UBE2E2: variants seen among roughly 807,000 people sequenced by gnomAD.
The protein encoded by UBE2E2 is ubiquitin-conjugating enzyme E2 E2.
Under a neutral mutation model 24.7 loss-of-function variants are expected in UBE2E2, and 6 were observed. That is an observed-to-expected ratio of 0.24 (90% CI 0.13 to 0.48). The LOEUF is 0.48. Among genes scored for constraint, UBE2E2 ranks in the 20% least tolerant of loss-of-function variants. The pLI is 0.99. For synonymous variants in UBE2E2, 104 were observed against 83.6 expected, an observed-to-expected ratio of 1.24 and a Z score of -1.33; for missense variants, 169 against 245.0, an observed-to-expected ratio of 0.69 and a Z score of 2.07.
rs1696745473 is a variant in UBE2E2 at position 23,590,907 on chromosome 3, C to T, written c.*1076C>T. ...GTCTGAGCTAATCATTGTGTTCAGC[C>T]ACTTTCAACTTTATTTCTCTCAAAA... On this transcript the variant is annotated 3_prime_UTR_variant, in exon 6 of 6. Coordinates refer to ENST00000396703, the MANE Select transcript of UBE2E2 (RefSeq NM_152653.4). The T allele has an allele frequency of 3.3e-5, 5 of 152,294 alleles. No homozygotes were observed. The South Asian group carries it at 1.0e-3, about 32-fold the overall frequency. 9.4% of individuals were successfully genotyped at this position (152,294 alleles called of 1,614,324 possible). A position where few individuals can be genotyped will look rare whatever the true frequency, so the allele number is the denominator to read the frequency against.
intron 3 of UBE2E2, among the ~76,000 whole-genome samples, chr3:23,278,870 C>T (rs1023108731): frequency 3.3e-5 from 5 of 152,032 alleles, no homozygotes; most frequent in Non-Finnish European, 5.9e-5. Flanking sequence ...AAAAACCAGT[C>T]ATAGCAAATT....
At chr3:23,568,706 T>C (rs954501540) in intron 5 of UBE2E2, among the ~76,000 whole-genome samples, 5 of 138,372 alleles carry the variant, frequency 3.6e-5, no homozygotes, top group South Asian at 2.3e-4. Flanking sequence ...CATATATATA[T>C]ACATGTATAT....
At chr3:23,328,662 C>CTTTTTTTTTTT (rs11433089) in intron 3 of UBE2E2, among the ~76,000 whole-genome samples, 1 of 145,430 alleles carries the variant, frequency 6.9e-6, no homozygotes. Flanking sequence ...CTCTCTCTCT[C>CTTTTTTTTTTT]TTTTTTTTTT....
intron 3 of UBE2E2, among the ~76,000 whole-genome samples, chr3:23,487,040 G>A (rs1181991339): frequency 2.0e-5 from 3 of 152,164 alleles, no homozygotes; most frequent in Non-Finnish European, 2.9e-5. Context: ...ATGCTGAGGG[G>A]TGCCTGCAGG....
chr3:23,581,815 A>G (rs771388002), intron 5 of UBE2E2, among the ~76,000 whole-genome samples: 11 of 152,334 alleles, frequency 7.2e-5, no homozygotes, highest in Non-Finnish European at 1.5e-4. Context: ...GGTCTTGCAA[A>G]TAGAGTCATT....
At chr3:23,456,334 A>G (rs955164255) in intron 3 of UBE2E2, among the ~76,000 whole-genome samples, 1 of 152,230 alleles carries the variant, frequency 6.6e-6, no homozygotes, top group African/African-American at 2.4e-5. Flanking sequence ...ACCTCATCTC[A>G]TGATCACGAA....
intron 3 of UBE2E2, among the ~76,000 whole-genome samples, chr3:23,229,460 T>A (rs990530479): frequency 1.6e-4 from 24 of 152,260 alleles, no homozygotes; most frequent in African/African-American, 5.3e-4. Context: ...CCTTTCCCCC[T>A]GAGTCCCCAA....
chr3:23,508,441 C>T (rs752750784), intron 4 of UBE2E2, among the ~76,000 whole-genome samples: 58 of 152,124 alleles, frequency 3.8e-4, no homozygotes, highest in Non-Finnish European at 7.4e-4. Flanking sequence ...TGGGAAGATA[C>T]GTTTGTTCCT....
intron 3 of UBE2E2, among the ~76,000 whole-genome samples, chr3:23,272,618 A>G (rs1031357971): frequency 3.9e-5 from 6 of 152,162 alleles, no homozygotes; most frequent in African/African-American, 1.4e-4. Flanking sequence ...GTATGGGATG[A>G]TGTGTTAGTC....
At chr3:23,568,199 G>A (rs1575713197) in intron 5 of UBE2E2, among the ~76,000 whole-genome samples, 1 of 152,128 alleles carries the variant, frequency 6.6e-6, no homozygotes, top group Non-Finnish European at 1.5e-5. Context: ...TGGAGACCAC[G>A]GATACGTAAC....
chr3:23,204,078 T>C (rs964180712), intron 1 of UBE2E2, among the ~76,000 whole-genome samples: 7 of 152,094 alleles, frequency 4.6e-5, no homozygotes, highest in Non-Finnish European at 1.0e-4. Context: ...CTCTGGTCTC[T>C]TCTCTGCAGC....
At chr3:23,577,448 ACT>A (rs1400765208) in intron 5 of UBE2E2, among the ~76,000 whole-genome samples, 12 of 152,150 alleles carry the variant, frequency 7.9e-5, no homozygotes, top group African/African-American at 2.7e-4. Context: ...TAAGGCCGTA[ACT>A]CTCTGCAATC....
chr3:23,271,495 C>T (rs1698241486), intron 3 of UBE2E2, among the ~76,000 whole-genome samples: 1 of 152,196 alleles, frequency 6.6e-6, no homozygotes, highest in Non-Finnish European at 1.5e-5. Flanking sequence ...GCTCGGGCAG[C>T]CTGCTTTTAT....
At chr3:23,208,626 C>A in intron 1 of UBE2E2, 66 bp from the exon 2 acceptor site, 1 of 1,257,274 alleles carries the variant, frequency 8.0e-7, no homozygotes, top group Non-Finnish European at 1.1e-6. Flanking sequence ...GAGGCTCATT[C>A]TCTGTGTTCT....
chr3:23,312,839 C>G (rs1349736348), intron 3 of UBE2E2, among the ~76,000 whole-genome samples: 3 of 152,052 alleles, frequency 2.0e-5, no homozygotes, highest in Admixed American at 2.0e-4. Flanking sequence ...TTCTTAATTT[C>G]TTCATTGACC....
chr3:23,275,382 A>G (rs1039290634), intron 3 of UBE2E2, among the ~76,000 whole-genome samples: 3 of 152,206 alleles, frequency 2.0e-5, no homozygotes, highest in East Asian at 3.8e-4. Context: ...GGAAGCTGAA[A>G]TAGACCAATT....
chr3:23,240,684 A>T (rs1697237475), intron 3 of UBE2E2, among the ~76,000 whole-genome samples: 1 of 152,196 alleles, frequency 6.6e-6, no homozygotes, highest in Non-Finnish European at 1.5e-5. Flanking sequence ...GAATATAGGG[A>T]TGAATTAAGC....
At chr3:23,273,314 C>T (rs368485057) in intron 3 of UBE2E2, among the ~76,000 whole-genome samples, 3 of 151,930 alleles carry the variant, frequency 2.0e-5, no homozygotes, top group African/African-American at 4.8e-5. Context: ...CCGAGGTGGG[C>T]GGATCACGAG....
chr3:23,415,601 A>T (rs1013157886), intron 3 of UBE2E2, among the ~76,000 whole-genome samples: 3 of 152,162 alleles, frequency 2.0e-5, no homozygotes, highest in Non-Finnish European at 4.4e-5. Flanking sequence ...TGAAATCAGC[A>T]GTTAGTTTTT....
Sources: allele counts gnomAD v4.1 joint callset (sites outside exome capture counted in the v4.1 genomes callset), GRCh38; gene constraint gnomAD v4.1.1; transcripts MANE v1.5; gene names NCBI Gene and HGNC (gene_info 2026-07-23, HGNC 2026-07-21).